Variants in F11 observed in about 807,000 individuals in gnomAD.
The protein encoded by F11 is coagualtion factor XI.
Under a neutral mutation model 76.5 loss-of-function variants are expected in F11, and 78 were observed. That is an observed-to-expected ratio of 1.02 (90% CI 0.85 to 1.23). The LOEUF (loss-of-function observed/expected upper bound fraction) is 1.23. Among genes scored for constraint, F11 ranks in the 50% most tolerant of loss-of-function variants. The pLI is 0.00. For missense variants in F11, 742 were observed against 771.4 expected, an observed-to-expected ratio of 0.96 and a Z score of 0.45; for synonymous variants, 278 against 276.3, an observed-to-expected ratio of 1.01 and a Z score of -0.06.
At chr4:186,282,170 G>C in intron 10 of F11, 6 of 1,123,982 alleles carry the variant, frequency 5.3e-6, no homozygotes, top group Non-Finnish European at 5.6e-6. Flanking sequence ...GAATGAGCAC[G>C]TATACCTCAA....
At chr4:186,281,965 G>A in intron 10 of F11, 1 of 1,275,668 alleles carries the variant, frequency 7.8e-7, no homozygotes, top group Non-Finnish European at 1.0e-6. Context: ...AAAATCTCTG[G>A]ATGGCTCAAG....
chr4:186,278,548 A>G (rs1016323933), intron 7 of F11, among the ~76,000 whole-genome samples: 1 of 152,222 alleles, frequency 6.6e-6, no homozygotes, highest in Non-Finnish European at 1.5e-5. Context: ...ATCAGCAGAC[A>G]GCCAATAAGA....
At position 186,280,504 on chromosome 4, in the gene F11, C is replaced by T. The variant is rs766026346; in HGVS notation, c.1059C>T (p.Asn353=). The T allele has an allele frequency of 5.3e-5, 86 of 1,614,014 alleles. No individual in the cohort carries two copies. The highest frequency in any genetic ancestry group is 6.6e-5 in the South Asian group (6 of 91,082). ...AGTGTTACTTAAAGCTTTCTTCAAA[C>T]GGATCTCCAACTAAAATACTTCACG... ...KGKCYLKLSS[N]GSPTKILHGR... is the part of the protein sequence containing the mutation. The change falls in exon 10 of 15, where the codon AAC becomes AAT. Residue 353 remains asparagine, a synonymous_variant. Coordinates refer to ENST00000403665, the MANE Select transcript of F11 (RefSeq NM_000128.4).
intron 14 of F11, among the ~76,000 whole-genome samples, chr4:186,288,187 C>T (rs567439820): frequency 6.6e-6 from 1 of 152,060 alleles, no homozygotes; most frequent in Non-Finnish European, 1.5e-5. Context: ...GCTGGGATTA[C>T]AGGCGTGAGC....
chr4:186,278,267 G>A (rs572624794), intron 7 of F11, among the ~76,000 whole-genome samples: 1 of 152,326 alleles, frequency 6.6e-6, no homozygotes, highest in South Asian at 2.1e-4. Flanking sequence ...AGACAACTCA[G>A]CCAAGGGAGG....
At chr4:186,288,044 A>G (rs1741343584) in intron 14 of F11, among the ~76,000 whole-genome samples, 1 of 151,462 alleles carries the variant, frequency 6.6e-6, no homozygotes, top group Non-Finnish European at 1.5e-5. Context: ...AGCTGGGACT[A>G]CAGGCGCCAG....
At position 186,280,101 on chromosome 4, in the gene F11, G is replaced by A; in HGVS notation, c.845G>A (p.Ser282Asn). 1 of 1,614,130 alleles carries A rather than the reference G, an allele frequency of 6.2e-7. No individual in the cohort carries two copies. Among genetic ancestry groups the A allele is most frequent in the Non-Finnish European group, 8.5e-7 (1 of 1,180,014 alleles). ...SKALSGFSLQSCRHSIPVFCH... is the reference protein window; with the variant it reads ...SKALSGFSLQNCRHSIPVFCH... ...GCTCTTTCTGGTTTCAGTCTACAAA[G>A]CTGCAGGCACAGCATCCCAGGTAAA... Residue 282 changes from serine (S) to asparagine (N), a missense_variant, in exon 8 of 15, where the codon AGC becomes AAC. Coordinates refer to ENST00000403665, the MANE Select transcript of F11 (RefSeq NM_000128.4).
chr4:186,286,163 C>T (rs566403574), intron 12 of F11: 3 of 527,248 alleles, frequency 5.7e-6, no homozygotes, highest in African/African-American at 3.8e-5. Flanking sequence ...AATTAAGCAA[C>T]TTGTGCAGGA....
intron 4 of F11, 35 bp from the exon 5 acceptor site, chr4:186,274,081 T>G: frequency 6.2e-7 from 1 of 1,613,828 alleles, no homozygotes; most frequent in Non-Finnish European, 8.5e-7. Flanking sequence ...CCCTAGAATC[T>G]GGAAGGTACT....
intron 2 of F11, among the ~76,000 whole-genome samples, 153 bp downstream of exon 2, chr4:186,267,344 G>C (rs1168830874): frequency 6.6e-6 from 1 of 152,166 alleles, no homozygotes; most frequent in Non-Finnish European, 1.5e-5. Flanking sequence ...TTTCAAAGCA[G>C]GGTAGGAATT....
rs942578442 is a variant in F11, at chr4:186,288,502, T to C, written c.1766T>C (p.Leu589Pro). Residue 589 changes from leucine (L) to proline (P), a missense_variant, in exon 15 of 15, where the codon CTG becomes CCG. Leu to Pro is a moderately conservative substitution (Grantham distance 98). Transcript: ENST00000403665. Reference protein sequence around the residue: ...LSCKHNEVWHLVGITSWGEGC... With the variant: ...LSCKHNEVWHPVGITSWGEGC... ...TGCAAACACAATGAGGTCTGGCATC[T>C]GGTAGGCATCACGAGCTGGGGCGAA... is the stretch of plus-strand genomic sequence containing the variant. The C allele has an allele frequency of 1.2e-6, 2 of 1,614,062 alleles. No homozygotes were observed. Among genetic ancestry groups the C allele is most frequent in the African/African-American group, 1.3e-5 (1 of 74,928 alleles).
intron 5 of F11, chr4:186,274,682 A>G: frequency 3.9e-6 from 1 of 253,978 alleles, no homozygotes; most frequent in Non-Finnish European, 7.7e-6. Flanking sequence ...CAAAATACTC[A>G]TGTAAAAAGT....
At chr4:186,281,110 G>T (rs1388787686) in intron 10 of F11, among the ~76,000 whole-genome samples, 1 of 152,020 alleles carries the variant, frequency 6.6e-6, no homozygotes, top group African/African-American at 2.4e-5. Flanking sequence ...TCCCGCTTTG[G>T]CCTCCCAAAG....
intron 2 of F11, among the ~76,000 whole-genome samples, chr4:186,270,730 G>T (rs748578766): frequency 6.6e-6 from 1 of 152,104 alleles, no homozygotes; most frequent in Non-Finnish European, 1.5e-5. Context: ...GTCTTGCTCT[G>T]TCGCCCAGGC....
intron 7 of F11, among the ~76,000 whole-genome samples, chr4:186,278,165 T>G (rs533718931): frequency 1.3e-5 from 2 of 152,310 alleles, no homozygotes; most frequent in South Asian, 4.1e-4. Flanking sequence ...AAGTCAGCTT[T>G]AAAACCTGGC....
Position 186,284,094 on chromosome 4 carries a change from T to C in F11, c.1138T>C (p.Cys380Arg), listed in dbSNP as rs1423347302. ...TCATCACAATGCTTCTGTTGCAGAG[T>C]GTACCACCAAAATCAAGCCCAGGAT... ...TLRLCKMDNECTTKIKPRIVG... is the reference protein window; with the variant it reads ...TLRLCKMDNERTTKIKPRIVG... The change falls in exon 11 of 15, where the codon TGT becomes CGT. Residue 380 changes from cysteine (C) to arginine (R), a missense_variant and splice_region_variant. Coordinates refer to ENST00000403665, the MANE Select transcript of F11 (RefSeq NM_000128.4). 1 of 1,614,184 alleles carries C rather than the reference T, an allele frequency of 6.2e-7. No individual in the cohort carries two copies. The highest frequency in any genetic ancestry group is 8.5e-7 in the Non-Finnish European group (1 of 1,180,030).
chr4:186,288,853 G>A lies in F11; in HGVS notation c.*239G>A, dbSNP rs1741403787. 2 of 507,238 alleles carry A rather than the reference G, an allele frequency of 3.9e-6. No homozygotes were observed. Among genetic ancestry groups the A allele is most frequent in the South Asian group, 4.0e-5 (2 of 49,632 alleles). 31.4% of individuals were successfully genotyped at this position (507,238 alleles called of 1,614,324 possible). ...CTTTGTTTTTGATCACGCTTCTATG[G>A]AGTCCAAGAATTACCATAAGGCAAT... On this transcript the variant is annotated 3_prime_UTR_variant, in exon 15 of 15. Transcript: ENST00000403665.
At chr4:186,270,108 A>G (rs1739820563) in intron 2 of F11, among the ~76,000 whole-genome samples, 1 of 152,220 alleles carries the variant, frequency 6.6e-6, no homozygotes, top group Non-Finnish European at 1.5e-5. Context: ...CTCGTTTTTC[A>G]CAGATGATGT....
chr4:186,287,828 CAG>C lies in F11; in HGVS notation c.1716+8_1716+9del. On this transcript the variant is annotated splice_donor_region_variant and intron_variant, in intron 14 of 14. Coordinates refer to ENST00000403665, the MANE Select transcript of F11 (RefSeq NM_000128.4). ...GGAGGGAAGGACGCTTGCAAGGTAA[CAG>C]AGTGTTCTTAGCCAATGGAATATAT... is the stretch of plus-strand genomic sequence containing the variant. 2 of 1,611,596 alleles carry C rather than the reference CAG, an allele frequency of 1.2e-6. No individual in the cohort carries two copies. The highest frequency in any genetic ancestry group is 8.5e-7 in the Non-Finnish European group (1 of 1,178,480).
Sources: gnomAD v4.1 joint callset for allele counts (sites outside exome capture counted in the v4.1 genomes callset) on GRCh38, gnomAD v4.1.1 for gene constraint, MANE v1.5 for transcripts, NCBI Gene and HGNC (gene_info 2026-07-23, HGNC 2026-07-21) for gene names.